PMM2: variants seen among roughly 807,000 people sequenced by gnomAD.
PMM2 encodes phosphomannomutase 2.
In PMM2, 35 loss-of-function variants were observed where a neutral mutation model predicts 33.2. The ratio of observed to expected loss-of-function variants is 1.06; its 90% CI spans 0.81 to 1.40. PMM2 has a LOEUF of 1.40. Ranked by LOEUF, PMM2 falls within the 40% of genes most tolerant of loss-of-function variation. The pLI is 0.00. For missense variants in PMM2, 386 were observed against 306.0 expected (o/e 1.26, Z -1.95); for synonymous variants, 153 against 114.7 (o/e 1.33, Z -2.13).
intron 7 of PMM2, among the ~76,000 whole-genome samples, chr16:8,816,189 C>T (rs553495713): frequency 1.3e-5 from 2 of 152,022 alleles, no homozygotes; most frequent in East Asian, 2.0e-4. Flanking sequence ...TGCAGTGATG[C>T]GATCTTGGCT....
chr16:8,800,070 G>C (rs193289568), intron 1 of PMM2, among the ~76,000 whole-genome samples: 2 of 152,162 alleles, frequency 1.3e-5, no homozygotes, highest in Admixed American at 1.3e-4. Flanking sequence ...CTAGTAAAAA[G>C]ATATTCAGCC....
At chr16:8,799,337 T>C (rs1011733252) in intron 1 of PMM2, among the ~76,000 whole-genome samples, 1 of 152,204 alleles carries the variant, frequency 6.6e-6, no homozygotes, top group Non-Finnish European at 1.5e-5. Context: ...GGTAGGATAG[T>C]TGTTATTACC....
intron 7 of PMM2, chr16:8,832,820 C>T (rs1261282692): frequency 3.0e-6 from 3 of 985,316 alleles, no homozygotes; most frequent in Non-Finnish European, 3.6e-6. Flanking sequence ...GCCCATCCTC[C>T]CTCTTCAGCG....
At chr16:8,799,250 A>G (rs528709828) in intron 1 of PMM2, among the ~76,000 whole-genome samples, 2 of 152,312 alleles carry the variant, frequency 1.3e-5, no homozygotes, top group Non-Finnish European at 2.9e-5. Context: ...TCTGTGGGCC[A>G]TAGTGGTCTA....
At chr16:8,815,556 A>G (rs2060703364) in intron 7 of PMM2, among the ~76,000 whole-genome samples, 1 of 141,038 alleles carries the variant, frequency 7.1e-6, no homozygotes, top group Non-Finnish European at 1.6e-5. Context: ...TTCTTGATCC[A>G]TTCTTCTGTC....
At chr16:8,822,755 C>T (rs544414145) in intron 7 of PMM2, among the ~76,000 whole-genome samples, 6 of 152,068 alleles carry the variant, frequency 3.9e-5, no homozygotes, top group Non-Finnish European at 7.4e-5. Flanking sequence ...AGGTGTTGAC[C>T]CAAAGGTAGG....
intron 5 of PMM2, 107 bp from the exon 6 acceptor site, chr16:8,811,531 C>G: frequency 1.2e-6 from 1 of 801,004 alleles, no homozygotes; most frequent in Non-Finnish European, 2.1e-6. Flanking sequence ...AAAAACTAAA[C>G]AAATAAATAA....
At chr16:8,829,933 G>T (rs2060800253) in intron 7 of PMM2, among the ~76,000 whole-genome samples, 1 of 152,214 alleles carries the variant, frequency 6.6e-6, no homozygotes, top group Non-Finnish European at 1.5e-5. Flanking sequence ...TGTACAATTA[G>T]GGCAGATACC....
rs565775946 is a variant in PMM2, at chr16:8,848,475, T to G, written c.*650T>G. On this transcript the variant is annotated 3_prime_UTR_variant, in exon 8 of 8. Transcript: ENST00000268261. ...CAAGTGGGAGCAGACCCTAGGGAGT[T>G]TGCACCTCGGCTGGGCCGGATTCGG... 48 of 155,530 alleles carry G rather than the reference T, an allele frequency of 3.1e-4. No individual in the cohort carries two copies. Among genetic ancestry groups the G allele is most frequent in the South Asian group, 1.8e-3 (9 of 5,136 alleles). The allele number at this position is 155,530 out of a possible 1,614,324, so 9.6% of individuals were successfully genotyped here.
intron 7 of PMM2, chr16:8,832,093 T>C (rs946838856): frequency 8.3e-6 from 8 of 967,716 alleles, no homozygotes; most frequent in Non-Finnish European, 9.8e-6. Context: ...TTTCATTTCA[T>C]TTGGGGTCCG....
intron 7 of PMM2, among the ~76,000 whole-genome samples, chr16:8,826,293 C>T (rs2060767433): frequency 6.6e-6 from 1 of 152,110 alleles, no homozygotes; most frequent in African/African-American, 2.4e-5. Context: ...AAGATTTTCT[C>T]TTTTAAAAAA....
intron 7 of PMM2, among the ~76,000 whole-genome samples, chr16:8,837,374 G>A (rs1417390999): frequency 1.3e-5 from 2 of 151,964 alleles, no homozygotes; most frequent in Admixed American, 6.6e-5. Flanking sequence ...AAGAAAATAA[G>A]GCATTTATTT....
At chr16:8,830,187 G>A (rs1243652828) in intron 7 of PMM2, among the ~76,000 whole-genome samples, 1 of 152,234 alleles carries the variant, frequency 6.6e-6, no homozygotes, top group Non-Finnish European at 1.5e-5. Context: ...GGCCGCCTGG[G>A]CTGGCCTCTG....
chr16:8,806,085 C>G (rs1471761491), intron 3 of PMM2, among the ~76,000 whole-genome samples: 1 of 152,168 alleles, frequency 6.6e-6, no homozygotes, highest in Non-Finnish European at 1.5e-5. Flanking sequence ...GTACAAAAAT[C>G]TTGGGTGATG....
intron 4 of PMM2, chr16:8,810,650 C>T: frequency 4.2e-6 from 1 of 240,516 alleles, no homozygotes; most frequent in Non-Finnish European, 8.2e-6. Context: ...GATCTCAGCT[C>T]ACTATAACCC....
In PMM2 at chr16:8,797,846, C is replaced by T. The variant is rs1321009572; in HGVS notation, c.-37C>T. On this transcript the variant is annotated 5_prime_UTR_variant, in exon 1 of 8. Coordinates refer to ENST00000268261, the MANE Select transcript of PMM2 (RefSeq NM_000303.3). ...AAGTTCCGGGCCGAGTTCCTCGTGC[C>T]AACGTGTCTTGTAAGGTGCGGCTAG... 3.1e-6 allele frequency: 5 copies of T among 1,604,882 alleles called. No homozygotes were observed. In the South Asian group the frequency reaches 4.5e-5, roughly 14 times the overall value.
Position 8,848,216 on chromosome 16 carries a change from T to G in PMM2, c.*391T>G, listed in dbSNP as rs146268679. 1.3e-3 allele frequency: 317 copies of G among 237,754 alleles called. 1 individual carries two copies. The highest frequency in any genetic ancestry group is 6.7e-3 in the African/African-American group (296 of 44,440). 14.7% of individuals were successfully genotyped at this position (237,754 alleles called of 1,614,324 possible). ...GTCTGTGGAAACATAAGCGGTTTTT[T>G]TAATGGGCCCCTGCATCAATACCAA... On this transcript the variant is annotated 3_prime_UTR_variant, in exon 8 of 8. Transcript: ENST00000268261.
At chr16:8,812,957 T>C in intron 6 of PMM2, 34 bp from the exon 7 acceptor site, 1 of 1,206,186 alleles carries the variant, frequency 8.3e-7, no homozygotes, top group Non-Finnish European at 1.2e-6. Flanking sequence ...CTTTTTCACC[T>C]TTTGCCTTTG....
intron 3 of PMM2, 53 bp from the exon 4 acceptor site, chr16:8,806,263 G>T: frequency 8.3e-7 from 1 of 1,207,834 alleles, no homozygotes; most frequent in African/African-American, 1.5e-5. Flanking sequence ...CTATGAAGCT[G>T]TTTTGAAAAT....
Sources: gnomAD v4.1 joint callset for allele counts (sites outside exome capture counted in the v4.1 genomes callset) on GRCh38, gnomAD v4.1.1 for gene constraint, MANE v1.5 for transcripts, NCBI Gene and HGNC (gene_info 2026-07-23, HGNC 2026-07-21) for gene names.